The following UNC80 variants were observed in gnomAD, a reference collection of about 807,000 sequenced individuals.
UNC80 encodes unc-80 subunit of NALCN channel complex.
UNC80 carries 164 observed loss-of-function variants against 384.6 expected under a neutral mutation model. The ratio of observed to expected loss-of-function variants is 0.43; its 90% confidence interval spans 0.38 to 0.49. The LOEUF (loss-of-function observed/expected upper bound fraction) is 0.49. Among genes scored for constraint, UNC80 ranks in the 20% least tolerant of loss-of-function variants. The probability of loss-of-function intolerance (pLI) is 0.00; values close to 1 mark genes in which losing one functional copy is unlikely to be tolerated. For missense variants in UNC80, 3,330 were observed against 4,143.0 expected, an observed-to-expected ratio of 0.80 and a Z score of 5.39; for synonymous variants, 1,486 against 1,527.8, an observed-to-expected ratio of 0.97 and a Z score of 0.64.
chr2:209,888,283 T>G, intron 26 of UNC80, 23 bp downstream of exon 26: 1 of 1,550,660 alleles, frequency 6.4e-7, no homozygotes, highest in Non-Finnish European at 8.7e-7. Context: ...AAAGGTTCCT[T>G]CATGTTTCAG....
chr2:209,779,157 T>C (rs11692338), intron 4 of UNC80, among the ~76,000 whole-genome samples: 78,303 of 151,942 alleles, frequency 0.52, 21,519 homozygotes, highest in Admixed American at 0.62. Flanking sequence ...ACTGCTTTAA[T>C]AGGGACTGTC....
chr2:209,972,349 A>C (rs2092907324), intron 55 of UNC80, 25 bp downstream of exon 55: 13 of 1,547,674 alleles, frequency 8.4e-6, no homozygotes, highest in Non-Finnish European at 1.1e-5. Context: ...ACTAAAGGAA[A>C]TTTATCATTG....
intron 7 of UNC80, among the ~76,000 whole-genome samples, chr2:209,799,505 G>T (rs890695677): frequency 6.6e-6 from 1 of 152,080 alleles, no homozygotes; most frequent in Admixed American, 6.6e-5. Context: ...TAAAAATTAT[G>T]TTGTCTGGAC....
At chr2:209,817,155 G>C in intron 10 of UNC80, 30 bp downstream of exon 10, 1 of 1,537,074 alleles carries the variant, frequency 6.5e-7, no homozygotes, top group Non-Finnish European at 8.8e-7. Flanking sequence ...AAATAGGGCA[G>C]AGTTTAAGTG....
At chr2:209,865,977 A>G (rs1255202186) in intron 22 of UNC80, among the ~76,000 whole-genome samples, 1 of 152,190 alleles carries the variant, frequency 6.6e-6, no homozygotes, top group East Asian at 1.9e-4. Context: ...ACAATCCTTT[A>G]TAGGTAATCT....
At chr2:209,845,395 A>G (rs2082100891) in intron 21 of UNC80, among the ~76,000 whole-genome samples, 1 of 152,206 alleles carries the variant, frequency 6.6e-6, no homozygotes, top group African/African-American at 2.4e-5. Flanking sequence ...TAATTCTCCT[A>G]CATTCTCTTC....
intron 14 of UNC80, among the ~76,000 whole-genome samples, chr2:209,826,391 A>C (rs1400896775): frequency 6.6e-6 from 1 of 152,224 alleles, no homozygotes; most frequent in Non-Finnish European, 1.5e-5. Context: ...GGCCTGTAAC[A>C]AATGACTTTT....
At chr2:209,815,118 A>T (rs1325374720) in intron 8 of UNC80, 139 bp from the exon 9 acceptor site, 9 of 746,740 alleles carry the variant, frequency 1.2e-5, no homozygotes, top group Non-Finnish European at 1.8e-5. Flanking sequence ...TTTGGATTCC[A>T]GAAGTCCAGA....
intron 21 of UNC80, 69 bp from the exon 22 acceptor site, chr2:209,849,382 C>G (rs2082368074): frequency 6.6e-7 from 1 of 1,515,396 alleles, no homozygotes; most frequent in Non-Finnish European, 8.9e-7. Context: ...ATCTTTGAAA[C>G]TCTTTTTAAA....
chr2:209,993,788 T>C (rs1167170264), intron 63 of UNC80, among the ~76,000 whole-genome samples: 1 of 152,198 alleles, frequency 6.6e-6, no homozygotes, highest in Non-Finnish European at 1.5e-5. Flanking sequence ...CTGTTGGCAG[T>C]TGTTATGAGG....
chr2:209,815,786 T>C (rs1224036195), intron 9 of UNC80, among the ~76,000 whole-genome samples: 5 of 152,114 alleles, frequency 3.3e-5, no homozygotes, highest in Non-Finnish European at 1.5e-5. Context: ...TTCTCCTCAT[T>C]TTGCAGGTAA....
chr2:209,828,528 T>A (rs1319329987), intron 14 of UNC80, among the ~76,000 whole-genome samples: 1 of 151,942 alleles, frequency 6.6e-6, no homozygotes, highest in Non-Finnish European at 1.5e-5. Flanking sequence ...TCTCAAAATT[T>A]CCAAGAATTT....
In UNC80 at chr2:209,976,031, T is replaced by C. The variant is rs1267952860; in HGVS notation, c.8588-88T>C. 1 of 1,372,438 alleles carries C rather than the reference T, an allele frequency of 7.3e-7. No homozygotes were observed. The highest frequency in any genetic ancestry group is 9.7e-7 in the Non-Finnish European group (1 of 1,034,390). The allele number at this position is 1,372,438 out of a possible 1,614,324, so 85.0% of individuals were successfully genotyped here. On this transcript the variant is annotated intron_variant, in intron 56 of 64. Coordinates refer to ENST00000673920, the MANE Select transcript of UNC80 (RefSeq NM_001371986.1). This position sits in a 1 kb window ranked among gnomAD's most constrained non-coding sequence, Gnocchi z 4.3. ...AGAGCTTAGAAATTTAGAAAATTTCTAAAGGTGCATAAAGGGCTCTGGATG... is the reference window on the plus strand; with the variant it reads ...AGAGCTTAGAAATTTAGAAAATTTCCAAAGGTGCATAAAGGGCTCTGGATG...
intron 23 of UNC80, among the ~76,000 whole-genome samples, chr2:209,874,475 A>G (rs2084594529): frequency 6.6e-6 from 1 of 152,204 alleles, no homozygotes; most frequent in South Asian, 2.1e-4. Context: ...TTCACAAACA[A>G]GTGTTTTCAG....
rs2091894426 is a variant in UNC80, at chr2:209,945,919, C to T, written c.7262C>T (p.Ala2421Val). 1.9e-6 allele frequency: 3 copies of T among 1,551,460 alleles called. No homozygotes were observed. Among genetic ancestry groups the T allele is most frequent in the Admixed American group, 2.0e-5 (1 of 50,966 alleles). Reference sequence around the variant, plus strand: ...ATTAAGCTCTGTGTCACTGTGGTGGCGTATGCTCCCGAATCATTCAGAAGG... The same window carrying T: ...ATTAAGCTCTGTGTCACTGTGGTGGTGTATGCTCCCGAATCATTCAGAAGG... ...EAIKLCVTVV[A>V]YAPESFRSLQ... The change falls in exon 47 of 65, where the codon GCG becomes GTG. Residue 2421 changes from alanine (A) to valine (V), a missense_variant. By Grantham distance (64) the Ala-to-Val change is moderately conservative. This residue lies in a region of UNC80 where 1,049 missense variants were observed against 1,488.6 expected (regional missense o/e 0.70). Transcript: ENST00000673920.
Position 209,941,501 on chromosome 2 carries a change from C to G in UNC80, c.6915+12C>G. On this transcript the variant is annotated intron_variant, in intron 44 of 64. Transcript: ENST00000673920. ...CCACCATGCTGCAGGTGCCCAGAAC[C>G]TCCTCTCCCAACCAGAAAATTAACA... 3.3e-6 allele frequency: 5 copies of G among 1,521,978 alleles called. No homozygotes were observed. The highest frequency in any genetic ancestry group is 4.4e-6 in the Non-Finnish European group (5 of 1,124,946). The allele number at this position is 1,521,978 out of a possible 1,614,324, so 94.3% of individuals were successfully genotyped here.
intron 48 of UNC80, among the ~76,000 whole-genome samples, chr2:209,955,829 C>T (rs1353332977): frequency 2.7e-5 from 4 of 149,602 alleles, no homozygotes; most frequent in African/African-American, 4.9e-5. Flanking sequence ...CTGCAACCTC[C>T]GCCTCCCGGG....
rs369199451 is a variant in UNC80 at position 209,978,518 on chromosome 2, G to C, written c.8939-11G>C. ...CACCATGCATTTCCTTTGGTCTCTCGCATCCTCTAGCCTACCAAGGCAAGA... is the reference window on the plus strand; with the variant it reads ...CACCATGCATTTCCTTTGGTCTCTCCCATCCTCTAGCCTACCAAGGCAAGA... On this transcript the variant is annotated splice_polypyrimidine_tract_variant and intron_variant, in intron 58 of 64. Coordinates refer to ENST00000673920, the MANE Select transcript of UNC80 (RefSeq NM_001371986.1). 6.6e-7 allele frequency: 1 copy of C among 1,521,040 alleles called. No homozygotes were observed. Among genetic ancestry groups the C allele is most frequent in the Middle Eastern group, 1.7e-4 (1 of 5,880 alleles). 94.2% of individuals were successfully genotyped at this position (1,521,040 alleles called of 1,614,324 possible). A position where few individuals can be genotyped will look rare whatever the true frequency, so the allele number is the denominator to read the frequency against.
intron 17 of UNC80, among the ~76,000 whole-genome samples, chr2:209,834,500 A>G (rs2081209011): frequency 1.3e-5 from 2 of 152,222 alleles, no homozygotes; most frequent in African/African-American, 4.8e-5. Flanking sequence ...TCAGAAAGGC[A>G]AAGCAATTAC....
Sources: allele counts gnomAD v4.1 joint callset (sites outside exome capture counted in the v4.1 genomes callset), GRCh38; gene constraint gnomAD v4.1.1; regional missense constraint gnomAD v4.1.1; non-coding constraint Gnocchi (gnomAD v3.1); transcripts MANE v1.5; gene names NCBI Gene and HGNC (gene_info 2026-07-23, HGNC 2026-07-21).